MAPKAP1: variants seen among roughly 807,000 people sequenced by gnomAD.
MAPKAP1 encodes target of rapamycin complex 2 subunit MAPKAP1.
MAPKAP1 carries 20 observed loss-of-function variants against 65.7 expected under a neutral mutation model. The ratio of observed to expected loss-of-function variants is 0.30; its 90% CI spans 0.21 to 0.44. MAPKAP1 has a LOEUF of 0.44. MAPKAP1 is among the 20% of genes least tolerant of loss of function. The pLI is 1.00. For synonymous variants in MAPKAP1, 222 were observed against 244.3 expected, an observed-to-expected ratio of 0.91 and a Z score of 0.85; for missense variants, 423 against 648.0, an observed-to-expected ratio of 0.65 and a Z score of 3.77.
intron 7 of MAPKAP1, among the ~76,000 whole-genome samples, chr9:125,524,049 ATTT>A (rs946901258): frequency 6.6e-6 from 1 of 152,192 alleles, no homozygotes; most frequent in African/African-American, 2.4e-5. Context: ...TTATTTATTT[ATTT>A]TTTATTTTTT....
At chr9:125,643,438 G>A (rs567266504) in intron 4 of MAPKAP1, among the ~76,000 whole-genome samples, 6 of 152,094 alleles carry the variant, frequency 3.9e-5, no homozygotes, top group Admixed American at 6.5e-5. Context: ...CAGGTGATCC[G>A]CCTGCCTCAG....
chr9:125,677,163 G>T (rs1251803694), intron 1 of MAPKAP1, among the ~76,000 whole-genome samples: 2 of 152,192 alleles, frequency 1.3e-5, no homozygotes, highest in Non-Finnish European at 2.9e-5. Context: ...TTTTGGCCGG[G>T]TGCAGTGGCT....
intron 1 of MAPKAP1, among the ~76,000 whole-genome samples, chr9:125,692,140 T>C (rs903829059): frequency 6.6e-6 from 1 of 152,182 alleles, no homozygotes. Context: ...CGTTACCATA[T>C]GACCCAGCAA....
chr9:125,586,510 G>GTT (rs879664487), intron 4 of MAPKAP1, among the ~76,000 whole-genome samples: 3 of 145,216 alleles, frequency 2.1e-5, no homozygotes, highest in African/African-American at 7.6e-5. Context: ...CTTTGTTGTT[G>GTT]TTTTTTTTTT....
intron 1 of MAPKAP1, among the ~76,000 whole-genome samples, chr9:125,694,932 T>C (rs1588084870): frequency 1.3e-5 from 2 of 152,246 alleles, no homozygotes; most frequent in South Asian, 2.1e-4. Flanking sequence ...GGTCTGTCAT[T>C]GAAGATAATT....
intron 10 of MAPKAP1, among the ~76,000 whole-genome samples, chr9:125,450,605 T>C (rs1312939305): frequency 1.3e-5 from 2 of 152,242 alleles, no homozygotes; most frequent in Non-Finnish European, 2.9e-5. Flanking sequence ...TTGCCAGTAC[T>C]ATAAATAAGG....
chr9:125,563,259 G>A (rs1037665043), intron 5 of MAPKAP1, among the ~76,000 whole-genome samples: 1 of 152,172 alleles, frequency 6.6e-6, no homozygotes, highest in Non-Finnish European at 1.5e-5. Context: ...GAAACCCCCC[G>A]ATACAGACAT....
At chr9:125,519,225 G>A (rs1829548506) in intron 7 of MAPKAP1, among the ~76,000 whole-genome samples, 1 of 152,100 alleles carries the variant, frequency 6.6e-6, no homozygotes, top group South Asian at 2.1e-4. Flanking sequence ...CTGTTCAAGA[G>A]TTCCTGAGGT....
rs1254769816 is a variant in MAPKAP1 at position 125,487,627 on chromosome 9, A to C, written c.1067-3044T>G. On this transcript the variant is annotated intron_variant, in intron 8 of 11. Coordinates refer to ENST00000265960, the MANE Select transcript of MAPKAP1 (RefSeq NM_001006617.3). The stretch of plus-strand genomic sequence containing the variant: ...AAATGCCAATTACTAAAAAAAAAAA[A>C]AAAAAACCCACACTTAAGATTTTTA... Among the ~76,000 whole-genome samples the C allele has an allele frequency of 4.0e-5, 6 of 151,774 alleles. No individual in the cohort carries two copies. In the East Asian group the frequency reaches 9.6e-4, roughly 24 times the overall value.
intron 6 of MAPKAP1, among the ~76,000 whole-genome samples, chr9:125,547,060 T>C (rs1276810909): frequency 6.6e-6 from 1 of 152,032 alleles, no homozygotes; most frequent in Non-Finnish European, 1.5e-5. Context: ...CAAAGTTAGG[T>C]CCTGTCAAGT....
At chr9:125,592,793 C>T (rs1832004809) in intron 4 of MAPKAP1, among the ~76,000 whole-genome samples, 1 of 151,592 alleles carries the variant, frequency 6.6e-6, no homozygotes, top group African/African-American at 2.4e-5. Flanking sequence ...GTCCCAGCTA[C>T]TCAGGAGGCT....
intron 8 of MAPKAP1, among the ~76,000 whole-genome samples, chr9:125,498,980 T>C (rs563546709): frequency 6.6e-6 from 1 of 152,346 alleles, no homozygotes; most frequent in South Asian, 2.1e-4. Flanking sequence ...TTAATTACAG[T>C]TAACATTTAT....
chr9:125,629,275 T>C (rs1219887161), intron 4 of MAPKAP1, among the ~76,000 whole-genome samples: 1 of 152,224 alleles, frequency 6.6e-6, no homozygotes, highest in East Asian at 1.9e-4. Context: ...AAAACAGATA[T>C]TTGTACTGAA....
At chr9:125,548,099 A>G (rs1232083834) in intron 6 of MAPKAP1, among the ~76,000 whole-genome samples, 1 of 152,226 alleles carries the variant, frequency 6.6e-6, no homozygotes, top group African/African-American at 2.4e-5. Flanking sequence ...TTCAATCCTA[A>G]AATAGGTACA....
chr9:125,576,961 C>T (rs1311268840), intron 5 of MAPKAP1, among the ~76,000 whole-genome samples: 14 of 152,104 alleles, frequency 9.2e-5, no homozygotes, highest in African/African-American at 2.9e-4. Flanking sequence ...AAGTGAGGAG[C>T]GTCTCTGCCT....
At chr9:125,638,410 A>T (rs965201775) in intron 4 of MAPKAP1, among the ~76,000 whole-genome samples, 2 of 152,200 alleles carry the variant, frequency 1.3e-5, no homozygotes, top group African/African-American at 4.8e-5. Flanking sequence ...GTGGGGAGAG[A>T]GTGGTGAAAT....
chr9:125,468,131 C>A (rs897345698), intron 9 of MAPKAP1, 22 bp from the exon 10 acceptor site: 1 of 1,609,798 alleles, frequency 6.2e-7, no homozygotes, highest in African/African-American at 1.3e-5. Flanking sequence ...GGTGAGGACA[C>A]AAAAGAAAAC....
chr9:125,473,487 C>T (rs1028969015), intron 9 of MAPKAP1, among the ~76,000 whole-genome samples: 6 of 152,138 alleles, frequency 3.9e-5, no homozygotes, highest in African/African-American at 9.7e-5. Context: ...GATTGCTGTC[C>T]TACATCAACG....
chr9:125,489,947 G>A (rs1273700602), intron 8 of MAPKAP1, among the ~76,000 whole-genome samples: 2 of 152,226 alleles, frequency 1.3e-5, no homozygotes, highest in Non-Finnish European at 2.9e-5. Flanking sequence ...GGACAGATCT[G>A]TTGGACTCTG....
Sources: allele counts gnomAD v4.1 joint callset (sites outside exome capture counted in the v4.1 genomes callset), GRCh38; gene constraint gnomAD v4.1.1; transcripts MANE v1.5; gene names NCBI Gene and HGNC (gene_info 2026-07-23, HGNC 2026-07-21).